MYO19: variants seen among roughly 807,000 people sequenced by gnomAD.
MYO19 encodes myosin XIX, also known as unconventional myosin-XIX.
A neutral mutation model predicts 129.2 loss-of-function variants in MYO19; 132 were observed. The ratio of observed to expected loss-of-function variants is 1.02; its 90% CI spans 0.89 to 1.18. The LOEUF is 1.18. Among genes scored for constraint, MYO19 ranks in the 50% most tolerant of loss-of-function variants. MYO19 has a pLI of 0.00. For synonymous variants in MYO19, 531 were observed against 477.2 expected, an observed-to-expected ratio of 1.11 and a Z score of -1.47; for missense variants, 1,210 against 1,216.7, an observed-to-expected ratio of 0.99 and a Z score of 0.08.
intron 14 of MYO19, 148 bp downstream of exon 14, chr17:36,508,914 C>T (rs770306034): frequency 1.5e-6 from 1 of 682,432 alleles, no homozygotes; most frequent in South Asian, 1.7e-5. Context: ...AGAGATCTCG[C>T]TCTATGCTGG....
At chr17:36,511,986 C>T (rs934143758) in intron 11 of MYO19, among the ~76,000 whole-genome samples, 2 of 152,136 alleles carry the variant, frequency 1.3e-5, no homozygotes, top group African/African-American at 4.8e-5. Context: ...ACTCAATGTT[C>T]CACACCGACA....
chr17:36,532,639 A>G lies in MYO19; in HGVS notation c.-101T>C, dbSNP rs1306403689. The G allele has an allele frequency of 7.2e-7, 1 of 1,395,976 alleles. No homozygotes were observed. Among genetic ancestry groups the G allele is most frequent in the Admixed American group, 2.0e-5 (1 of 50,690 alleles). 86.5% of individuals were successfully genotyped at this position (1,395,976 alleles called of 1,614,324 possible). On this transcript the variant is annotated 5_prime_UTR_variant, in exon 3 of 26. Coordinates refer to ENST00000614623, the MANE Select transcript of MYO19 (RefSeq NM_001163735.2). The stretch of plus-strand genomic sequence containing the variant: ...ATGGGCTGGGGTATGGTTCCAACAA[A>G]GGGCTCAGTTCTGGAGGAATCTCAG...
At chr17:36,509,893 C>T (rs1453729618) in intron 13 of MYO19, 6 of 152,174 alleles carry the variant, frequency 3.9e-5, no homozygotes, top group African/African-American at 1.4e-4. Context: ...AGCCTTTGAC[C>T]TCAAATTGTG....
chr17:36,534,105 CTG>C lies in MYO19; in HGVS notation c.-295-3_-295-2del, dbSNP rs1402795816. ...AGAATTTCTGGAAAGGGTGTGAACA[CTG>C]TGGGCAGAAAGGAGACGGTAATGAG... On this transcript the variant is annotated splice_acceptor_variant and splice_polypyrimidine_tract_variant and intron_variant, in intron 1 of 25. Coordinates refer to ENST00000614623, the MANE Select transcript of MYO19 (RefSeq NM_001163735.2). LOFTEE classifies it low-confidence loss of function (5UTR_SPLICE). 1.3e-5 allele frequency: 2 copies of C among 152,294 alleles called. No individual in the cohort carries two copies. Among genetic ancestry groups the C allele is most frequent in the East Asian group, 3.8e-4 (2 of 5,200 alleles). 9.4% of individuals were successfully genotyped at this position (152,294 alleles called of 1,614,324 possible).
intron 3 of MYO19, among the ~76,000 whole-genome samples, chr17:36,532,196 C>T (rs952190240): frequency 6.6e-6 from 1 of 152,184 alleles, no homozygotes; most frequent in Non-Finnish European, 1.5e-5. Context: ...AGGAACACAT[C>T]CTCTTGGAAG....
At chr17:36,521,626 T>C (rs2073135012) in intron 6 of MYO19, among the ~76,000 whole-genome samples, 1 of 152,148 alleles carries the variant, frequency 6.6e-6, no homozygotes, top group African/African-American at 2.4e-5. Context: ...CCCAGCATAA[T>C]AAGTGAAGAA....
rs757307523 is a variant in MYO19, at chr17:36,514,513, T to G, written c.653A>C (p.Tyr218Ser). 6.2e-7 allele frequency: 1 copy of G among 1,613,492 alleles called. No homozygotes were observed. Among genetic ancestry groups the G allele is most frequent in the Non-Finnish European group, 8.5e-7 (1 of 1,179,488 alleles). Residue 218 changes from tyrosine (Y) to serine (S), a missense_variant, in exon 9 of 26, where the codon TAC (tyrosine) becomes TCC (serine). By Grantham distance (144) the Tyr-to-Ser change is moderately radical. Transcript: ENST00000614623. ...QQMTGAAVQT[Y>S]LLEKTRVACQ... ...GGCCACTCGAGTTTTCTCTAGGAGG[T>G]AGGTCTGGACTGCGGCTCCAGTCAT...
chr17:36,542,182 A>G (rs1000257561), intron 1 of MYO19: 1 of 152,156 alleles, frequency 6.6e-6, no homozygotes. Flanking sequence ...GACAAACCCA[A>G]ATTAGGGAAA....
intron 2 of MYO19, among the ~76,000 whole-genome samples, chr17:36,539,965 G>A (rs946722454): frequency 6.6e-6 from 1 of 151,678 alleles, no homozygotes; most frequent in Admixed American, 6.6e-5. Flanking sequence ...GGGGCTGGGG[G>A]GCAAATGGCA....
At position 36,509,112 on chromosome 17, in the gene MYO19, A is replaced by G. The variant is rs1567748738; in HGVS notation, c.1181T>C (p.Val394Ala). 6.2e-7 allele frequency: 1 copy of G among 1,613,794 alleles called. No individual in the cohort carries two copies. Among genetic ancestry groups the G allele is most frequent in the Non-Finnish European group, 8.5e-7 (1 of 1,179,822 alleles). Residue 394 changes from valine (V) to alanine (A), a missense_variant, in exon 14 of 26, where the codon GTG becomes GCG. Transcript: ENST00000614623. ...GTCTGCACAGATGCTGCTGTTGATC[A>G]CTGATACCAGCCAGTCAAACAACCT... Reference protein sequence around the residue: ...YARLFDWLVSVINSSICADTD... With the variant: ...YARLFDWLVSAINSSICADTD...
At chr17:36,512,791 G>C (rs1418223053) in intron 11 of MYO19, 1 of 1,286,156 alleles carries the variant, frequency 7.8e-7, no homozygotes, top group African/African-American at 1.5e-5. Flanking sequence ...TAGAGGGTGA[G>C]GAAGATGAGA....
At chr17:36,513,059 G>A in intron 11 of MYO19, 1 of 1,222,270 alleles carries the variant, frequency 8.2e-7, no homozygotes, top group African/African-American at 1.5e-5. Flanking sequence ...ACAGAGGACT[G>A]TTTAAAAAAC....
chr17:36,505,681 C>G (rs2071836502), intron 18 of MYO19, among the ~76,000 whole-genome samples: 1 of 152,234 alleles, frequency 6.6e-6, no homozygotes, highest in South Asian at 2.1e-4. Flanking sequence ...ATCTCCTCCT[C>G]TTTCCCCTCC....
chr17:36,507,317 G>T, intron 16 of MYO19, 82 bp downstream of exon 16: 1 of 1,457,178 alleles, frequency 6.9e-7, no homozygotes, highest in Non-Finnish European at 9.5e-7. Context: ...GAGAGGCACA[G>T]AGAGGAAACA....
chr17:36,528,956 T>C (rs1214702897), intron 3 of MYO19, among the ~76,000 whole-genome samples: 1 of 152,180 alleles, frequency 6.6e-6, no homozygotes, highest in African/African-American at 2.4e-5. Context: ...AGTTCAGCTT[T>C]TGATGTAAAA....
intron 2 of MYO19, chr17:36,533,465 T>TA (rs758840725): frequency 1.3e-5 from 2 of 152,308 alleles, no homozygotes; most frequent in East Asian, 3.9e-4. Context: ...TGGAATTTTC[T>TA]AGGCCTTGGC....
Position 36,500,872 on chromosome 17 carries a change from C to A in MYO19, c.2335G>T (p.Glu779Ter). 6.2e-7 allele frequency: 1 copy of A among 1,605,650 alleles called. No individual in the cohort carries two copies. Among genetic ancestry groups the A allele is most frequent in the South Asian group, 1.1e-5 (1 of 90,894 alleles). Residue 779 changes from glutamate to a stop codon, truncating the protein, a stop_gained, in exon 23 of 26, where the codon GAG becomes TAG. Transcript: ENST00000614623. LOFTEE classifies it high-confidence loss of function. ...QGGWRRHRHR[E>*]QERQWRAVML... The stretch of plus-strand genomic sequence containing the variant: ...ACGGCCCGCCACTGCCGCTCCTGCT[C>A]TCGGTGCCGGTGTCGCCTCCAGCCA...
At chr17:36,526,932 C>A (rs559972218) in intron 5 of MYO19, among the ~76,000 whole-genome samples, 1 of 152,030 alleles carries the variant, frequency 6.6e-6, no homozygotes, top group Non-Finnish European at 1.5e-5. Flanking sequence ...GTAATTCCAG[C>A]GCTTTGGGAG....
chr17:36,499,664 C>CTTTTTTCTTTTTTTTT (rs2071346235), intron 23 of MYO19: 6 of 62,634 alleles, frequency 9.6e-5, no homozygotes, highest in Admixed American at 1.8e-4. Context: ...CTTTTTGTTT[C>CTTTTTTCTTTTTTTTT]TTTTTTTTTT....
Sources: gnomAD v4.1 joint callset for allele counts (sites outside exome capture counted in the v4.1 genomes callset) on GRCh38, gnomAD v4.1.1 for gene constraint, MANE v1.5 for transcripts, NCBI Gene and HGNC (gene_info 2026-07-23, HGNC 2026-07-21) for gene names.